DNAH9: variants seen among roughly 807,000 people sequenced by gnomAD.
The protein encoded by DNAH9 is DNAH9 variant protein.
Under a neutral mutation model 471.6 loss-of-function variants are expected in DNAH9, and 345 were observed. The observed-to-expected ratio is 0.73, with a 90% CI of 0.67 to 0.80. DNAH9 has a LOEUF of 0.80. Among genes scored for constraint, DNAH9 ranks in the 30% least tolerant of loss-of-function variants. The pLI is 0.00. For missense variants in DNAH9, 5,407 were observed against 5,609.2 expected (o/e 0.96, Z 1.15); for synonymous variants, 2,093 against 2,123.6 (o/e 0.99, Z 0.40).
chr17:11,844,790 A>G (rs977723364), intron 49 of DNAH9, among the ~76,000 whole-genome samples: 2 of 152,134 alleles, frequency 1.3e-5, no homozygotes, highest in Non-Finnish European at 2.9e-5. Flanking sequence ...TCATGAAGGT[A>G]TGAAGGTTTG....
Position 11,694,625 on chromosome 17 carries a change from GCTTTCTTGCTTT to G in DNAH9, c.4872+182_4872+193del, listed in dbSNP as rs2074399808. 8.7e-4 allele frequency among the ~76,000 whole-genome samples: 4 copies of G among 4,588 alleles called. 2 individuals are homozygous for G. The Admixed American group carries it at 0.017, about 19-fold the overall frequency. The allele number at this position is 4,588 out of a possible 152,430, so 3.0% of individuals were successfully genotyped here. A position where few individuals can be genotyped will look rare whatever the true frequency, so the allele number is the denominator to read the frequency against. On this transcript the variant is annotated intron_variant, in intron 22 of 68. Transcript: ENST00000262442. ...AGCTTTCTTGCTTTCTTGCTTTCTTGCTTTCTTGCTTTCTTGCTTTCTCGCTTTCTCGCTTTC... is the reference window on the plus strand; with the variant it reads ...AGCTTTCTTGCTTTCTTGCTTTCTTGCTTGCTTTCTCGCTTTCTCGCTTTC...
chr17:11,942,109 T>C (rs1391558878), intron 66 of DNAH9, among the ~76,000 whole-genome samples, 194 bp from the exon 67 acceptor site: 1 of 152,134 alleles, frequency 6.6e-6, no homozygotes, highest in African/African-American at 2.4e-5. Context: ...TATGAAGAGG[T>C]CCTACTGTGG....
At chr17:11,659,270 A>G (rs1328278783) in intron 14 of DNAH9, among the ~76,000 whole-genome samples, 1 of 152,222 alleles carries the variant, frequency 6.6e-6, no homozygotes, top group Non-Finnish European at 1.5e-5. Context: ...TGGCAAAAAA[A>G]ATTGTTCATA....
At chr17:11,909,495 A>G (rs1284549638) in intron 61 of DNAH9, among the ~76,000 whole-genome samples, 3 of 152,194 alleles carry the variant, frequency 2.0e-5, no homozygotes, top group African/African-American at 7.2e-5. Flanking sequence ...GAAAACCCCA[A>G]TAAAGACCCT....
At chr17:11,776,492 AAAGAG>A (rs1968440130) in intron 38 of DNAH9, among the ~76,000 whole-genome samples, 1 of 152,156 alleles carries the variant, frequency 6.6e-6, no homozygotes, top group Non-Finnish European at 1.5e-5. Context: ...AAGACTGCCT[AAAGAG>A]AAGGAGGTTG....
intron 26 of DNAH9, among the ~76,000 whole-genome samples, chr17:11,718,942 C>G (rs1040947561): frequency 1.3e-5 from 2 of 152,112 alleles, no homozygotes; most frequent in African/African-American, 4.8e-5. Flanking sequence ...GAACATCATC[C>G]AGGTCGACTT....
chr17:11,838,843 C>T (rs878954416), intron 49 of DNAH9, among the ~76,000 whole-genome samples: 3 of 152,090 alleles, frequency 2.0e-5, no homozygotes, highest in African/African-American at 7.2e-5. Context: ...AAGGACTCCT[C>T]GACTGTCTTT....
chr17:11,654,354 T>TGAAAAAAAAAAAAAA (rs2073586035), intron 14 of DNAH9, among the ~76,000 whole-genome samples: 1 of 938 alleles, frequency 1.1e-3, no homozygotes, highest in Non-Finnish European at 0.026. Flanking sequence ...AGACTCCGTC[T>TGAAAAAAAAAAAAAA]CAAAAAAAAA....
intron 52 of DNAH9, among the ~76,000 whole-genome samples, chr17:11,872,428 C>T (rs979277175): frequency 1.4e-5 from 2 of 146,986 alleles, no homozygotes; most frequent in Non-Finnish European, 1.5e-5. Flanking sequence ...AAAGGGGATT[C>T]AAAGCTATAC....
intron 55 of DNAH9, 84 bp downstream of exon 55, chr17:11,881,497 T>C: frequency 7.1e-7 from 1 of 1,405,706 alleles, no homozygotes; most frequent in East Asian, 2.5e-5. Flanking sequence ...GGGGGCTGTT[T>C]TTCCTGGATT....
Position 11,763,491 on chromosome 17 carries a change from T to C in DNAH9, c.7047T>C (p.Cys2349=), listed in dbSNP as rs1241952167. 6 of 1,613,764 alleles carry C rather than the reference T, an allele frequency of 3.7e-6. No individual in the cohort carries two copies. The highest frequency in any genetic ancestry group is 5.1e-6 in the Non-Finnish European group (6 of 1,179,662). ...IPEQSMVQMV[C]HLLECLLTTE... ...AGCAGAGCATGGTTCAGATGGTGTG[T>C]CACCTTCTGGAATGTCTCCTGACCA... Residue 2349 remains cysteine (C), a synonymous_variant, in exon 36 of 69, where the codon TGT becomes TGC. Transcript: ENST00000262442.
chr17:11,873,182 G>C (rs1972349571), intron 52 of DNAH9, among the ~76,000 whole-genome samples: 1 of 152,180 alleles, frequency 6.6e-6, no homozygotes, highest in Non-Finnish European at 1.5e-5. Context: ...TTGGAAAAAG[G>C]AAATTGTTGA....
intron 63 of DNAH9, 138 bp downstream of exon 63, chr17:11,930,231 G>A (rs1291470626): frequency 4.0e-6 from 3 of 741,876 alleles, no homozygotes; most frequent in Middle Eastern, 2.5e-4. Flanking sequence ...TGGGTAAAAT[G>A]TTCCCACCTG....
rs527968968 is a variant in DNAH9, at chr17:11,607,656, G to A, written c.418-473G>A. Among the ~76,000 whole-genome samples, 10 of 152,066 alleles carry A rather than the reference G, an allele frequency of 6.6e-5. No individual in the cohort carries two copies. The South Asian group carries it at 1.7e-3, about 25-fold the overall frequency. ...GTGATCTCGACTCACTGCAACCTCC[G>A]CCTCCTGGGTTGAAGCGATTCTCCT... On this transcript the variant is annotated intron_variant, in intron 1 of 68. Transcript: ENST00000262442.
intron 39 of DNAH9, among the ~76,000 whole-genome samples, chr17:11,781,852 A>AAAAAAAAAC (rs1567798343): frequency 2.0e-5 from 3 of 149,732 alleles, no homozygotes; most frequent in African/African-American, 4.9e-5. Context: ...AACAAACAAA[A>AAAAAAAAAC]AAAAAACTAC....
In DNAH9 at chr17:11,619,587, G is replaced by T. The variant is rs756451314; in HGVS notation, c.1156G>T (p.Glu386Ter). The part of the protein sequence containing the change: ...YLSPEDLLRS[E>*]VEESQRKLQV... ...CAGCCCAGAAGACCTGCTGAGAAGT[G>T]AGGTAGAAGAAAGTCAGAGAAAACT... The change falls in exon 6 of 69, where the codon GAG (glutamate) becomes TAG (stop). Residue 386 changes from glutamate to a stop codon, truncating the protein, a stop_gained. Transcript: ENST00000262442. LOFTEE classifies it high-confidence loss of function. 6.2e-7 allele frequency: 1 copy of T among 1,614,058 alleles called. No homozygotes were observed. The highest frequency in any genetic ancestry group is 8.5e-7 in the Non-Finnish European group (1 of 1,179,904).
In DNAH9 at chr17:11,617,535, T is replaced by C. The variant is rs1274059418; in HGVS notation, c.1029T>C (p.Cys343=). 3 of 1,614,068 alleles carry C rather than the reference T, an allele frequency of 1.9e-6. No individual in the cohort carries two copies. ...TGCGGCCCCTGCTCCACGTGGTCTG[T>C]CTGATTTGGGCCACATGCAAGTCCT... ...PQLRPLLHVV[C]LIWATCKSYR... is the part of the protein sequence containing the mutation. Residue 343 remains cysteine (C), a synonymous_variant, in exon 5 of 69, where the codon TGT becomes TGC. Transcript: ENST00000262442.
At chr17:11,805,331 C>T (rs1969626231) in intron 43 of DNAH9, among the ~76,000 whole-genome samples, 1 of 152,030 alleles carries the variant, frequency 6.6e-6, no homozygotes. Context: ...GAACCCCACC[C>T]ACCAAAACCC....
chr17:11,835,420 T>C (rs1372547349), intron 49 of DNAH9, among the ~76,000 whole-genome samples: 2 of 152,218 alleles, frequency 1.3e-5, no homozygotes, highest in African/African-American at 4.8e-5. Flanking sequence ...AAATCAAAAT[T>C]GGTAAGTAAT....
Sources: allele counts gnomAD v4.1 joint callset (sites outside exome capture counted in the v4.1 genomes callset), GRCh38; gene constraint gnomAD v4.1.1; transcripts MANE v1.5; gene names NCBI Gene and HGNC (gene_info 2026-07-23, HGNC 2026-07-21).